DNAAF11: variants seen among roughly 807,000 people sequenced by gnomAD.
DNAAF11 encodes the protein leucine rich repeat containing 6.
Under a neutral mutation model 60.8 loss-of-function variants are expected in DNAAF11, and 45 were observed. The observed-to-expected ratio is 0.74, with a 90% CI of 0.58 to 0.95. The LOEUF is 0.95. Among genes scored for constraint, DNAAF11 ranks in the 40% least tolerant of loss-of-function variants. DNAAF11 has a pLI of 0.00. For missense variants in DNAAF11, 546 were observed against 546.2 expected (o/e 1.00, Z 0.00); for synonymous variants, 191 against 183.5 (o/e 1.04, Z -0.33).
At chr8:132,605,868 T>C (rs1278679877) in intron 10 of DNAAF11, among the ~76,000 whole-genome samples, 4 of 151,408 alleles carry the variant, frequency 2.6e-5, no homozygotes, top group Non-Finnish European at 4.4e-5. Context: ...TTGTCATGTT[T>C]GTGAAATAGC....
intron 5 of DNAAF11, among the ~76,000 whole-genome samples, chr8:132,627,695 T>G (rs1820413894): frequency 6.6e-6 from 1 of 152,218 alleles, no homozygotes; most frequent in Non-Finnish European, 1.5e-5. Flanking sequence ...CTCGTTCTAC[T>G]TTTCATTGTC....
the DNAAF11 span, among the ~76,000 whole-genome samples, chr8:132,697,059 G>C: frequency 1.3e-5 from 2 of 152,148 alleles, no homozygotes; most frequent in Non-Finnish European, 2.9e-5. Context: ...AGTTAAAAAA[G>C]TTAAAAACAC....
At chr8:132,697,609 C>T in the DNAAF11 span, among the ~76,000 whole-genome samples, 2 of 138,524 alleles carry the variant, frequency 1.4e-5, no homozygotes, top group African/African-American at 5.6e-5. Context: ...CAGAGCGAGA[C>T]CCCATCTCAA....
intron 10 of DNAAF11, among the ~76,000 whole-genome samples, chr8:132,598,313 T>C (rs1817231124): frequency 6.6e-6 from 1 of 152,200 alleles, no homozygotes; most frequent in South Asian, 2.1e-4. Context: ...CAATCTAGTG[T>C]TTTCTATGAC....
chr8:132,594,965 A>T (rs1401906175), intron 10 of DNAAF11, among the ~76,000 whole-genome samples: 2 of 152,002 alleles, frequency 1.3e-5, no homozygotes, highest in Admixed American at 1.3e-4. Flanking sequence ...ATGGTTTGAT[A>T]AATGGTAGTC....
intron 10 of DNAAF11, chr8:132,608,273 G>GTA (rs1427716225): frequency 5.5e-6 from 1 of 180,452 alleles, no homozygotes; most frequent in Non-Finnish European, 1.2e-5. Context: ...CTTTAACATA[G>GTA]TAGTCGAAAA....
chr8:132,654,998 T>G (rs1823404023), intron 3 of DNAAF11, among the ~76,000 whole-genome samples: 1 of 151,618 alleles, frequency 6.6e-6, no homozygotes, highest in Non-Finnish European at 1.5e-5. Flanking sequence ...ATTGACCAAA[T>G]TGACAAACCG....
intron 10 of DNAAF11, among the ~76,000 whole-genome samples, chr8:132,593,206 G>A (rs925022386): frequency 3.3e-5 from 5 of 151,460 alleles, no homozygotes; most frequent in Admixed American, 6.6e-5. Flanking sequence ...TATCTCATAC[G>A]ATGGAGAAAT....
chr8:132,642,905 T>A (rs1201378144), intron 3 of DNAAF11, among the ~76,000 whole-genome samples: 1 of 152,206 alleles, frequency 6.6e-6, no homozygotes, highest in African/African-American at 2.4e-5. Flanking sequence ...TCCAACATTT[T>A]TGGCACCAGG....
At chr8:132,628,611 T>A (rs1026517403) in intron 5 of DNAAF11, among the ~76,000 whole-genome samples, 1 of 152,162 alleles carries the variant, frequency 6.6e-6, no homozygotes, top group Non-Finnish European at 1.5e-5. Context: ...TTCTCTGTAG[T>A]GTTTCTTCTT....
At chr8:132,630,924 G>A (rs998081265) in intron 5 of DNAAF11, among the ~76,000 whole-genome samples, 7 of 151,980 alleles carry the variant, frequency 4.6e-5, no homozygotes, top group African/African-American at 1.7e-4. Context: ...GTATATTGTT[G>A]ATATATGAGT....
At chr8:132,679,072 CATAT>C (rs199859430), upstream of DNAAF11, among the ~76,000 whole-genome samples, 24,843 of 152,164 alleles carry the variant, frequency 0.16, 5,692 homozygotes, top group African/African-American at 0.52. Flanking sequence ...TCAAGCAGGT[CATAT>C]TGTCATGAAT....
At chr8:132,646,329 G>A (rs907265318) in intron 3 of DNAAF11, among the ~76,000 whole-genome samples, 3 of 152,168 alleles carry the variant, frequency 2.0e-5, no homozygotes, top group Non-Finnish European at 4.4e-5. Flanking sequence ...AAGAGCTCCT[G>A]AAGGAAGCAC....
intron 10 of DNAAF11, among the ~76,000 whole-genome samples, chr8:132,604,990 A>C (rs576943932): frequency 2.0e-5 from 3 of 152,172 alleles, no homozygotes; most frequent in Admixed American, 2.0e-4. Context: ...TAATTATAAA[A>C]TACTAGCTAG....
chr8:132,610,290 T>C (rs1818530625), intron 9 of DNAAF11, 29 bp from the exon 10 acceptor site: 1 of 1,479,156 alleles, frequency 6.8e-7, no homozygotes, highest in African/African-American at 1.4e-5. Context: ...AAAGTATCAT[T>C]GAGAGCAAGG....
At chr8:132,641,805 G>A (rs536216229) in intron 3 of DNAAF11, among the ~76,000 whole-genome samples, 1 of 152,304 alleles carries the variant, frequency 6.6e-6, no homozygotes, top group African/African-American at 2.4e-5. Flanking sequence ...GAGACTCAAT[G>A]TAGAAAAATG....
chr8:132,663,785 T>G (rs1244827689), intron 1 of DNAAF11, among the ~76,000 whole-genome samples: 3 of 152,188 alleles, frequency 2.0e-5, no homozygotes, highest in Non-Finnish European at 2.9e-5. Context: ...AACCTTGCAA[T>G]GGCAGCTTCT....
At chr8:132,660,140 C>T (rs567554588) in intron 2 of DNAAF11, among the ~76,000 whole-genome samples, 1 of 152,292 alleles carries the variant, frequency 6.6e-6, no homozygotes, top group African/African-American at 2.4e-5. Flanking sequence ...CTCCTACCTT[C>T]ATTTGGCTAG....
At chr8:132,694,174 G>A in the DNAAF11 span, among the ~76,000 whole-genome samples, 75 of 152,316 alleles carry the variant, frequency 4.9e-4, no homozygotes, top group Non-Finnish European at 8.4e-4. Flanking sequence ...GAAGGATCCT[G>A]TGCATCAGAT....
Sources: allele counts gnomAD v4.1 joint callset (sites outside exome capture counted in the v4.1 genomes callset), GRCh38; gene constraint gnomAD v4.1.1; transcripts MANE v1.5; gene names NCBI Gene and HGNC (gene_info 2026-07-23, HGNC 2026-07-21).